The following GABBR2 variants were observed in gnomAD, a reference collection of about 807,000 sequenced individuals.
GABBR2 encodes gamma-aminobutyric acid type B receptor subunit 2, also known as G-protein coupled receptor 51.
A neutral mutation model predicts 105.6 loss-of-function variants in GABBR2; 23 were observed. The ratio of observed to expected loss-of-function variants is 0.22; its 90% CI spans 0.16 to 0.31. The LOEUF is 0.31. Among genes scored for constraint, GABBR2 ranks in the 10% least tolerant of loss-of-function variants. The probability of loss-of-function intolerance (pLI) is 1.00; values close to 1 mark genes in which losing one functional copy is unlikely to be tolerated. For missense variants in GABBR2, 734 were observed against 1,245.5 expected (o/e 0.59, Z 6.18); for synonymous variants, 478 against 499.7 (o/e 0.96, Z 0.58).
At chr9:98,318,258 G>C (rs1222194188) in intron 13 of GABBR2, among the ~76,000 whole-genome samples, 1 of 152,236 alleles carries the variant, frequency 6.6e-6, no homozygotes, top group South Asian at 2.1e-4. Context: ...AGTTCCAGGG[G>C]AGGAGCTGAT....
At chr9:98,634,020 A>C (rs1035324340) in intron 1 of GABBR2, among the ~76,000 whole-genome samples, 9 of 152,154 alleles carry the variant, frequency 5.9e-5, no homozygotes, top group African/African-American at 9.6e-5. Context: ...GAATTTTCAG[A>C]GCTGTCACAC....
chr9:98,683,013 C>T (rs779871838), intron 1 of GABBR2, among the ~76,000 whole-genome samples: 9 of 152,192 alleles, frequency 5.9e-5, no homozygotes, highest in Admixed American at 4.6e-4. Flanking sequence ...GCAGGTCCTG[C>T]GGTGGGCTCA....
chr9:98,293,551 G>A (rs992352857), intron 18 of GABBR2, among the ~76,000 whole-genome samples: 2 of 152,234 alleles, frequency 1.3e-5, no homozygotes, highest in Non-Finnish European at 2.9e-5. Flanking sequence ...AAAGATGTGA[G>A]TTCAAGTCCT....
chr9:98,649,002 T>A (rs1266608397), intron 1 of GABBR2, among the ~76,000 whole-genome samples: 1 of 152,224 alleles, frequency 6.6e-6, no homozygotes, highest in Non-Finnish European at 1.5e-5. Flanking sequence ...ATCATTTTTC[T>A]TCATTCACAG....
At chr9:98,445,591 G>A (rs565624902) in intron 7 of GABBR2, among the ~76,000 whole-genome samples, 66 of 152,376 alleles carry the variant, frequency 4.3e-4, no homozygotes, top group African/African-American at 1.6e-3. Flanking sequence ...ATGCTCAGAT[G>A]TGGTTTAAGA....
intron 3 of GABBR2, among the ~76,000 whole-genome samples, chr9:98,505,060 ATTAGATT>A (rs1827479413): frequency 6.6e-6 from 1 of 152,246 alleles, no homozygotes; most frequent in Non-Finnish European, 1.5e-5. Context: ...GGTTCAGGAA[ATTAGATT>A]TTGGCCCAAT....
intron 13 of GABBR2, among the ~76,000 whole-genome samples, chr9:98,315,109 C>T (rs923873766): frequency 6.6e-6 from 1 of 152,174 alleles, no homozygotes; most frequent in African/African-American, 2.4e-5. Context: ...TGCTCCCCTT[C>T]CCCCGCAACC....
At chr9:98,502,646 G>T (rs1827427558) in intron 3 of GABBR2, among the ~76,000 whole-genome samples, 1 of 152,168 alleles carries the variant, frequency 6.6e-6, no homozygotes, top group African/African-American at 2.4e-5. Context: ...CCCCCGCTTG[G>T]CACTGGACAC....
intron 13 of GABBR2, among the ~76,000 whole-genome samples, chr9:98,348,721 T>A (rs571313967): frequency 6.6e-6 from 1 of 152,356 alleles, no homozygotes; most frequent in South Asian, 2.1e-4. Flanking sequence ...CTTTTTCAGC[T>A]AATTTGTTAT....
chr9:98,351,987 T>C (rs1354354489), intron 13 of GABBR2, among the ~76,000 whole-genome samples: 2 of 152,242 alleles, frequency 1.3e-5, no homozygotes, highest in Non-Finnish European at 2.9e-5. Flanking sequence ...GGAAATAATT[T>C]TTCCTGTACA....
chr9:98,329,969 CAATATT>C (rs901902401), intron 13 of GABBR2, among the ~76,000 whole-genome samples: 4 of 152,096 alleles, frequency 2.6e-5, no homozygotes, highest in African/African-American at 9.7e-5. Context: ...TACATAACCA[CAATATT>C]ATCATATCTA....
At chr9:98,564,445 G>A (rs1828722004) in intron 2 of GABBR2, among the ~76,000 whole-genome samples, 1 of 152,222 alleles carries the variant, frequency 6.6e-6, no homozygotes, top group African/African-American at 2.4e-5. Flanking sequence ...GACAGGCAGT[G>A]TAGACTTGCG....
chr9:98,541,496 G>A (rs1234543324), intron 3 of GABBR2, among the ~76,000 whole-genome samples: 3 of 152,084 alleles, frequency 2.0e-5, no homozygotes, highest in African/African-American at 7.2e-5. Context: ...TTCGGTCCAA[G>A]CCAGCCCTTC....
intron 3 of GABBR2, among the ~76,000 whole-genome samples, chr9:98,520,027 C>A (rs1261376518): frequency 6.6e-6 from 1 of 152,132 alleles, no homozygotes. Context: ...CTAGCTATGT[C>A]CCCACTGCTG....
Position 98,432,973 on chromosome 9 carries a change from G to T in GABBR2, c.1236+21008C>A, listed in dbSNP as rs117929306. Among the ~76,000 whole-genome samples the T allele has an allele frequency of 1.4e-3, 218 of 152,290 alleles. 6 individuals are homozygous for T. The East Asian group carries it at 0.037, about 26-fold the overall frequency. On this transcript the variant is annotated intron_variant, in intron 7 of 18. Transcript: ENST00000259455. ...AATCCCATCACTTTGGGGGTGTGTG[G>T]GAGAAATGGGACGTGTTTCCATTAC...
chr9:98,473,922 CAACCCAGGGGGAATAATTTTT>C (rs1469050417), intron 5 of GABBR2, among the ~76,000 whole-genome samples: 1 of 152,138 alleles, frequency 6.6e-6, no homozygotes, highest in Non-Finnish European at 1.5e-5. Flanking sequence ...CCTCATAACA[CAACCCAGGGGGAATAATTTTT>C]AAGGGGCCAA....
At chr9:98,557,406 G>A (rs1355159195) in intron 2 of GABBR2, among the ~76,000 whole-genome samples, 4 of 152,222 alleles carry the variant, frequency 2.6e-5, no homozygotes, top group Admixed American at 2.6e-4. Flanking sequence ...TGAATGCAGA[G>A]GGAGCAAACT....
chr9:98,493,390 G>A (rs1827215893), intron 4 of GABBR2, among the ~76,000 whole-genome samples: 1 of 152,150 alleles, frequency 6.6e-6, no homozygotes, highest in Admixed American at 6.5e-5. Context: ...CATTGCTACT[G>A]TTTCTACTGT....
intron 18 of GABBR2, among the ~76,000 whole-genome samples, chr9:98,293,276 C>T (rs1830329266): frequency 6.6e-6 from 1 of 152,096 alleles, no homozygotes; most frequent in Non-Finnish European, 1.5e-5. Context: ...ACTCCCTGAC[C>T]CCCTTCTGTG....
Sources: gnomAD v4.1 joint callset for allele counts (sites outside exome capture counted in the v4.1 genomes callset) on GRCh38, gnomAD v4.1.1 for gene constraint, MANE v1.5 for transcripts, NCBI Gene and HGNC (gene_info 2026-07-23, HGNC 2026-07-21) for gene names.